The following TDG variants were observed in gnomAD, a reference collection of about 807,000 sequenced individuals.
TDG encodes thymine DNA glycosylase.
TDG carries 23 observed loss-of-function variants against 46.1 expected under a neutral mutation model. That is an observed-to-expected ratio of 0.50 (90% CI 0.36 to 0.71). TDG has a LOEUF of 0.71. TDG is among the 30% of genes least tolerant of loss of function. The probability of loss-of-function intolerance (pLI) is 0.00; values close to 1 mark genes in which losing one functional copy is unlikely to be tolerated. For missense variants in TDG, 304 were observed against 486.7 expected (o/e 0.62, Z 3.53); for synonymous variants, 115 against 161.3 (o/e 0.71, Z 2.18).
At chr12:103,972,840 C>T in intron 1 of TDG, 1 of 450,032 alleles carries the variant, frequency 2.2e-6, no homozygotes, top group Non-Finnish European at 3.9e-6. Flanking sequence ...GCTTCTGAAC[C>T]CCAGAATTTC....
chr12:103,967,645 C>A (rs1234080038), intron 1 of TDG, among the ~76,000 whole-genome samples: 1 of 151,756 alleles, frequency 6.6e-6, no homozygotes, highest in Admixed American at 6.6e-5. Context: ...TTAGTAGAGA[C>A]AGGGTTTCAC....
At chr12:103,978,730 T>C (rs913909514) in intron 2 of TDG, among the ~76,000 whole-genome samples, 1 of 152,156 alleles carries the variant, frequency 6.6e-6, no homozygotes, top group Non-Finnish European at 1.5e-5. Context: ...TATAGGTCAG[T>C]GGTTTTCAAT....
intron 1 of TDG, among the ~76,000 whole-genome samples, chr12:103,968,264 C>T (rs946432544): frequency 6.6e-6 from 1 of 151,980 alleles, no homozygotes; most frequent in African/African-American, 2.4e-5. Context: ...AGACATTTAC[C>T]GAAGATGGAA....
Position 103,987,252 on chromosome 12 carries a change from G to A in TDG, c.*162G>A. The A allele has an allele frequency of 1.9e-6, 2 of 1,040,978 alleles. No homozygotes were observed. The highest frequency in any genetic ancestry group is 3.1e-5 in the Admixed American group (1 of 32,214). The allele number at this position is 1,040,978 out of a possible 1,614,324, so 64.5% of individuals were successfully genotyped here. A position where few individuals can be genotyped will look rare whatever the true frequency, so the allele number is the denominator to read the frequency against. On this transcript the variant is annotated 3_prime_UTR_variant, in exon 10 of 10. Transcript: ENST00000392872. Reference sequence around the variant, plus strand: ...GGTAGTGTGAACCGTATGAACCTAAGTAGTTTGGAAGAAAAAGTAGGGTTT... The same window carrying A: ...GGTAGTGTGAACCGTATGAACCTAAATAGTTTGGAAGAAAAAGTAGGGTTT...
intron 9 of TDG, 45 bp from the exon 10 acceptor site, chr12:103,986,903 T>C: frequency 6.3e-7 from 1 of 1,578,104 alleles, no homozygotes. Context: ...AAAAAGCAAA[T>C]ATTTCTAAAT....
In TDG at chr12:103,976,024, G is replaced by A. The variant is rs541914883; in HGVS notation, c.24-894G>A. Among the ~76,000 whole-genome samples the A allele has an allele frequency of 3.3e-5, 5 of 151,094 alleles. No homozygotes were observed. The Admixed American group carries it at 3.3e-4, about 10-fold the overall frequency. ...ATTGGGGATTTAGTTTTCAACACGT[G>A]AACTTTGGGGGACACATTCAAACCA... On this transcript the variant is annotated intron_variant, in intron 1 of 9. Coordinates refer to ENST00000392872, the MANE Select transcript of TDG (RefSeq NM_003211.6).
intron 8 of TDG, among the ~76,000 whole-genome samples, chr12:103,985,287 G>T (rs1167524400): frequency 1.3e-5 from 2 of 151,616 alleles, no homozygotes; most frequent in African/African-American, 2.4e-5. Flanking sequence ...CTCTGATAAT[G>T]AATATTAGTC....
At chr12:103,976,022 G>A (rs780847899) in intron 1 of TDG, among the ~76,000 whole-genome samples, 13 of 151,466 alleles carry the variant, frequency 8.6e-5, no homozygotes, top group Non-Finnish European at 1.5e-4. Flanking sequence ...TTTTCAACAC[G>A]TGAACTTTGG....
intron 1 of TDG, among the ~76,000 whole-genome samples, chr12:103,970,866 T>C (rs1871256004): frequency 6.6e-6 from 1 of 152,178 alleles, no homozygotes; most frequent in Admixed American, 6.6e-5. Flanking sequence ...TCAGAAAATA[T>C]AGTCGACCTT....
chr12:103,972,153 C>T (rs913051607), intron 1 of TDG, among the ~76,000 whole-genome samples: 2 of 152,082 alleles, frequency 1.3e-5, no homozygotes, highest in Non-Finnish European at 1.5e-5. Flanking sequence ...GAGTCTTGCT[C>T]TGTCGCCCAG....
chr12:103,977,785 C>T (rs528255736), intron 2 of TDG, among the ~76,000 whole-genome samples: 4 of 152,082 alleles, frequency 2.6e-5, no homozygotes, highest in Non-Finnish European at 2.9e-5. Context: ...GGAGGCAGGC[C>T]GGGCACAGTG....
chr12:103,983,708 C>T lies in TDG; in HGVS notation c.792+319C>T, dbSNP rs559410623. On this transcript the variant is annotated intron_variant, in intron 7 of 9. Coordinates refer to ENST00000392872, the MANE Select transcript of TDG (RefSeq NM_003211.6). The stretch of plus-strand genomic sequence containing the variant: ...AGTTGTCAAATTCAAATGGTTTAGC[C>T]CTCGTACTGTTGTGAAACAAACATG... Among the ~76,000 whole-genome samples the T allele has an allele frequency of 2.1e-3, 317 of 152,196 alleles. 1 individual carries two copies. The highest frequency in any genetic ancestry group is 7.2e-3 in the African/African-American group (299 of 41,520).
chr12:103,982,711 GC>G, intron 4 of TDG, 87 bp from the exon 5 acceptor site: 1 of 1,422,244 alleles, frequency 7.0e-7, no homozygotes, highest in Non-Finnish European at 9.7e-7. Flanking sequence ...GCTGCACTGA[GC>G]CATGATCGTG....
chr12:103,970,261 T>G (rs950861075), intron 1 of TDG, among the ~76,000 whole-genome samples: 5 of 152,168 alleles, frequency 3.3e-5, no homozygotes, highest in African/African-American at 1.2e-4. Context: ...GAGGATCACT[T>G]GAGACCAGAA....
chr12:103,971,678 G>A (rs1282359286), intron 1 of TDG, among the ~76,000 whole-genome samples: 1 of 152,066 alleles, frequency 6.6e-6, no homozygotes, highest in Non-Finnish European at 1.5e-5. Context: ...GGGAGAGTGA[G>A]AGGTAGTGAA....
rs1433933888 is a variant in TDG at position 103,965,932 on chromosome 12, C to T, written c.-106C>T. The T allele has an allele frequency of 1.0e-5, 15 of 1,490,828 alleles. No individual in the cohort carries two copies. The highest frequency in any genetic ancestry group is 1.3e-5 in the Non-Finnish European group (14 of 1,108,310). 92.3% of individuals were successfully genotyped at this position (1,490,828 alleles called of 1,614,324 possible). On this transcript the variant is annotated 5_prime_UTR_variant, in exon 1 of 10. Coordinates refer to ENST00000392872, the MANE Select transcript of TDG (RefSeq NM_003211.6). ...TCTGGGTACTGCCAGCCATCGGGCCCAGGTCTCTGGGGTTGTCTTACCGCA... is the reference window on the plus strand; with the variant it reads ...TCTGGGTACTGCCAGCCATCGGGCCTAGGTCTCTGGGGTTGTCTTACCGCA...
chr12:103,966,001 C>G lies in TDG; in HGVS notation c.-37C>G, dbSNP rs372823872. The G allele has an allele frequency of 6.9e-7, 1 of 1,442,562 alleles. No individual in the cohort carries two copies. The highest frequency in any genetic ancestry group is 9.3e-7 in the Non-Finnish European group (1 of 1,075,724). 89.4% of individuals were successfully genotyped at this position (1,442,562 alleles called of 1,614,324 possible). A position where few individuals can be genotyped will look rare whatever the true frequency, so the allele number is the denominator to read the frequency against. The stretch of plus-strand genomic sequence containing the variant: ...TACAGAGACCGGCTGCCCGTGTGCC[C>G]GGCAGGTGGAGCCGCCCGCATCAGC... On this transcript the variant is annotated 5_prime_UTR_variant, in exon 1 of 10. Transcript: ENST00000392872.
intron 1 of TDG, among the ~76,000 whole-genome samples, chr12:103,969,552 G>A (rs1332895229): frequency 1.3e-5 from 2 of 152,210 alleles, no homozygotes; most frequent in East Asian, 3.8e-4. Context: ...AGCCTGGGAG[G>A]AATTTGTGGA....
chr12:103,977,901 C>T (rs990001787), intron 2 of TDG, among the ~76,000 whole-genome samples: 3 of 151,732 alleles, frequency 2.0e-5, no homozygotes, highest in African/African-American at 7.3e-5. Context: ...CTGCCTCACA[C>T]AAATTAGCCG....
Sources: gnomAD v4.1 joint callset for allele counts (sites outside exome capture counted in the v4.1 genomes callset) on GRCh38, gnomAD v4.1.1 for gene constraint, MANE v1.5 for transcripts, NCBI Gene and HGNC (gene_info 2026-07-23, HGNC 2026-07-21) for gene names.